Variants in SH3D19 observed in about 807,000 individuals in gnomAD.
The protein encoded by SH3D19 is SH3 domain-containing protein 19.
A neutral mutation model predicts 112.1 loss-of-function variants in SH3D19; 58 were observed. That is an observed-to-expected ratio of 0.52 (90% CI 0.42 to 0.64). SH3D19 has a LOEUF of 0.64. Ranked by LOEUF, SH3D19 falls within the 30% of genes least tolerant of loss-of-function variation. The pLI is 0.00. For synonymous variants in SH3D19, 391 were observed against 448.5 expected (o/e 0.87, Z 1.62); for missense variants, 1,090 against 1,263.4 (o/e 0.86, Z 2.08).
At chr4:151,238,629 A>G (rs1770318539) in intron 1 of SH3D19, among the ~76,000 whole-genome samples, 1 of 152,064 alleles carries the variant, frequency 6.6e-6, no homozygotes, top group Non-Finnish European at 1.5e-5. Context: ...CCTCTGGTAT[A>G]AGAACACTCA....
At chr4:151,167,693 C>T (rs182251963) in intron 7 of SH3D19, among the ~76,000 whole-genome samples, 3,840 of 152,192 alleles carry the variant, frequency 0.025, 95 homozygotes, top group Non-Finnish European at 0.039. Flanking sequence ...CGACCGCCGC[C>T]CCATCTGGGA....
At chr4:151,139,181 T>G (rs1232275588) in intron 13 of SH3D19, among the ~76,000 whole-genome samples, 1 of 150,898 alleles carries the variant, frequency 6.6e-6, no homozygotes, top group Non-Finnish European at 1.5e-5. Flanking sequence ...TGAGACGGAG[T>G]CTCGCTCTGT....
At chr4:151,179,467 A>C (rs1341177019) in intron 3 of SH3D19, 70 bp from the exon 4 acceptor site, 1 of 873,872 alleles carries the variant, frequency 1.1e-6, no homozygotes, top group African/African-American at 1.7e-5. Context: ...ATTTTTACAA[A>C]GTACACAATT....
intron 1 of SH3D19, among the ~76,000 whole-genome samples, chr4:151,322,636 G>A (rs1730665734): frequency 6.6e-6 from 1 of 151,908 alleles, no homozygotes; most frequent in South Asian, 2.1e-4. Flanking sequence ...ATCATCCTTT[G>A]TTGTAAAATA....
chr4:151,149,560 T>G lies in SH3D19; in HGVS notation c.1757A>C (p.Glu586Ala). The change falls in exon 10 of 20, where the codon GAA becomes GCA. Residue 586 changes from glutamate (E) to alanine (A), a missense_variant and splice_region_variant. Transcript: ENST00000604030. ...LSNVERTRNLESNHPGQTGGF... is the reference protein window; with the variant it reads ...LSNVERTRNLASNHPGQTGGF... ...TCCTGTTTGACCTGGGTGGTTGGAT[T>G]CCTGCAAGTAGCAGAGAATGCTTTT... 1 of 1,611,552 alleles carries G rather than the reference T, an allele frequency of 6.2e-7. No homozygotes were observed. Among genetic ancestry groups the G allele is most frequent in the Admixed American group, 1.7e-5 (1 of 59,740 alleles).
chr4:151,227,714 T>G, intron 1 of SH3D19: 8 of 982,392 alleles, frequency 8.1e-6, no homozygotes, highest in Non-Finnish European at 8.5e-6. Context: ...AGCCAGAAAC[T>G]GAATACAGAT....
chr4:151,249,790 A>C (rs1294807007), intron 1 of SH3D19, among the ~76,000 whole-genome samples: 1 of 152,224 alleles, frequency 6.6e-6, no homozygotes, highest in Admixed American at 6.5e-5. Flanking sequence ...TCTTTCAGCA[A>C]TTAGTTAAGG....
chr4:151,249,620 TA>T (rs1561399822), intron 1 of SH3D19, among the ~76,000 whole-genome samples: 1 of 152,072 alleles, frequency 6.6e-6, no homozygotes, highest in Non-Finnish European at 1.5e-5. Flanking sequence ...CAGTATCTCA[TA>T]AGGGTTTAGC....
At chr4:151,188,391 T>C (rs573621345) in intron 2 of SH3D19, among the ~76,000 whole-genome samples, 4 of 152,344 alleles carry the variant, frequency 2.6e-5, no homozygotes, top group Admixed American at 1.3e-4. Context: ...AGAGGCGGAA[T>C]GTCCCTCATC....
At chr4:151,224,137 G>A (rs957932156) in intron 2 of SH3D19, among the ~76,000 whole-genome samples, 3 of 152,012 alleles carry the variant, frequency 2.0e-5, no homozygotes, top group Admixed American at 2.0e-4. Context: ...GTGAAACCCC[G>A]TCTCTACTAA....
chr4:151,242,942 T>C (rs1770672381), intron 1 of SH3D19, among the ~76,000 whole-genome samples: 1 of 152,210 alleles, frequency 6.6e-6, no homozygotes, highest in Non-Finnish European at 1.5e-5. Flanking sequence ...GCATTGATAG[T>C]ACAACCAAGC....
intron 1 of SH3D19, chr4:151,279,813 T>C: frequency 6.2e-7 from 1 of 1,613,998 alleles, no homozygotes; most frequent in Middle Eastern, 1.7e-4. Context: ...GCAACCTGTA[T>C]ACTCCAGCCG....
chr4:151,219,623 T>G (rs1480314121), intron 2 of SH3D19, among the ~76,000 whole-genome samples: 1 of 152,248 alleles, frequency 6.6e-6, no homozygotes, highest in Non-Finnish European at 1.5e-5. Flanking sequence ...TCTTTTCATA[T>G]ATTAACTGGT....
At chr4:151,215,924 C>A (rs1767011041) in intron 2 of SH3D19, among the ~76,000 whole-genome samples, 1 of 151,856 alleles carries the variant, frequency 6.6e-6, no homozygotes, top group African/African-American at 2.4e-5. Flanking sequence ...CTCCCGGGTT[C>A]AAGTGATTTT....
chr4:151,174,791 T>G lies in SH3D19; in HGVS notation c.1413A>C (p.Pro471=). 2.6e-6 allele frequency: 4 copies of G among 1,557,036 alleles called. No individual in the cohort carries two copies. The Admixed American group carries it at 7.8e-5, about 30-fold the overall frequency. The change falls in exon 7 of 20, where the codon CCA becomes CCC. Residue 471 remains proline, a synonymous_variant. Coordinates refer to ENST00000604030, the MANE Select transcript of SH3D19 (RefSeq NM_001378122.1). ...AGGGCTTGCTCTGCAGAACTGGAAC[T>G]GGGGGGTTGGCTGGGGGCCCTTCTC... The part of the protein sequence containing the change: ...SLGEGPPANP[P]VPVLQSKPLV...
At chr4:151,194,636 G>A (rs1253127839) in intron 2 of SH3D19, among the ~76,000 whole-genome samples, 1 of 148,422 alleles carries the variant, frequency 6.7e-6, no homozygotes, top group African/African-American at 2.5e-5. Context: ...GGCTGGTCTC[G>A]AACTCCTGAC....
intron 1 of SH3D19, among the ~76,000 whole-genome samples, chr4:151,289,980 G>T (rs1011743378): frequency 6.6e-6 from 1 of 152,090 alleles, no homozygotes; most frequent in African/African-American, 2.4e-5. Context: ...TTAGAAACAG[G>T]GTCTTGCTCT....
At chr4:151,154,024 C>T (rs1257340660) in intron 9 of SH3D19, among the ~76,000 whole-genome samples, 4 of 151,962 alleles carry the variant, frequency 2.6e-5, no homozygotes, top group Non-Finnish European at 2.9e-5. Flanking sequence ...TGCAGTGGCG[C>T]GATCTCGGCT....
Position 151,148,033 on chromosome 4 carries a change from TTG to T in SH3D19, c.1969_1970del (p.Gln657LysfsTer2), listed in dbSNP as rs1199717498. On this transcript the variant is annotated frameshift_variant, in exon 11 of 20. Transcript: ENST00000604030. LOFTEE classifies it high-confidence loss of function. ...TTGAGAGTCCAGTTGCCAAGTTACT[TTG>T]TTTTTTCTGAAGATCCATGTCAGAA... Reference protein sequence around the residue: ...SSSDMDLQKKQSNLATGLSKA... With the variant: ...SSSDMDLQKKXSNLATGLSKA... 6 of 1,614,006 alleles carry T rather than the reference TTG, an allele frequency of 3.7e-6. 1 individual carries two copies. The Admixed American group carries it at 8.3e-5, about 22-fold the overall frequency.
Sources: gnomAD v4.1 joint callset for allele counts (sites outside exome capture counted in the v4.1 genomes callset) on GRCh38, gnomAD v4.1.1 for gene constraint, MANE v1.5 for transcripts, NCBI Gene and HGNC (gene_info 2026-07-23, HGNC 2026-07-21) for gene names.